The following KLC1 variants were observed in gnomAD, a reference collection of about 807,000 sequenced individuals.
KLC1 encodes kinesin 2 60/70kDa.
In KLC1, 30 loss-of-function variants were observed where a neutral mutation model predicts 84.2. The observed-to-expected ratio is 0.36, with a 90% confidence interval of 0.27 to 0.48. KLC1 has a LOEUF of 0.48. Ranked by LOEUF, KLC1 falls within the 20% of genes least tolerant of loss-of-function variation. KLC1 has a pLI of 0.99. For synonymous variants in KLC1, 289 were observed against 293.3 expected, an observed-to-expected ratio of 0.99 and a Z score of 0.15; for missense variants, 499 against 805.4, an observed-to-expected ratio of 0.62 and a Z score of 4.60.
At chr14:103,658,429 T>A (rs1192801956) in intron 3 of KLC1, among the ~76,000 whole-genome samples, 1 of 51,966 alleles carries the variant, frequency 1.9e-5, no homozygotes, top group Non-Finnish European at 4.2e-5. Flanking sequence ...CCCAGCTAAG[T>A]TTTTTTTTTT....
At chr14:103,689,855 G>A (rs895337678) in intron 14 of KLC1, among the ~76,000 whole-genome samples, 10 of 152,186 alleles carry the variant, frequency 6.6e-5, no homozygotes, top group Admixed American at 2.0e-4. Flanking sequence ...GTAAAAGGGG[G>A]TTTGAGGGAA....
At chr14:103,686,980 G>A in intron 13 of KLC1, 101 bp from the exon 14 acceptor site, 1 of 792,622 alleles carries the variant, frequency 1.3e-6, no homozygotes, top group Non-Finnish European at 2.0e-6. Context: ...CTGCTGGCAA[G>A]CAGGGCGGCC....
At chr14:103,681,281 G>A (rs941236754) in intron 13 of KLC1, among the ~76,000 whole-genome samples, 21 of 152,164 alleles carry the variant, frequency 1.4e-4, no homozygotes, top group African/African-American at 4.6e-4. Context: ...CTCACTTTGT[G>A]CATGGAGGCA....
intron 1 of KLC1, among the ~76,000 whole-genome samples, chr14:103,649,179 C>T (rs1354373971): frequency 6.6e-6 from 1 of 151,912 alleles, no homozygotes; most frequent in Non-Finnish European, 1.5e-5. Context: ...TGCCTATACT[C>T]CTAGCTCCTT....
At chr14:103,632,124 G>A (rs1029069148) in intron 1 of KLC1, among the ~76,000 whole-genome samples, 4 of 152,280 alleles carry the variant, frequency 2.6e-5, no homozygotes, top group African/African-American at 9.6e-5. Flanking sequence ...GCCGGGCGTG[G>A]TCATGCCTGT....
chr14:103,695,513 G>A lies in KLC1; in HGVS notation c.1848+3088G>A, dbSNP rs538311567. On this transcript the variant is annotated intron_variant, in intron 15 of 16. Transcript: ENST00000334553. ...CACAGGCGACAGGGAGGAGGGCTCC[G>A]GAGCTTCCCTTGTGGTGGGGGTGCC... 6.1e-5 allele frequency: 60 copies of A among 985,320 alleles called. No individual in the cohort carries two copies. The African/African-American group carries it at 8.7e-4, about 14-fold the overall frequency. 61.0% of individuals were successfully genotyped at this position (985,320 alleles called of 1,614,324 possible). A position where few individuals can be genotyped will look rare whatever the true frequency, so the allele number is the denominator to read the frequency against.
At chr14:103,695,005 C>T in intron 15 of KLC1, 4 of 985,434 alleles carry the variant, frequency 4.1e-6, no homozygotes, top group Non-Finnish European at 4.8e-6. Context: ...GAGCTGCTCG[C>T]CTGTGGCCGT....
chr14:103,670,341 T>A, intron 7 of KLC1, 58 bp downstream of exon 7: 1 of 895,708 alleles, frequency 1.1e-6, no homozygotes, highest in East Asian at 3.4e-5. Context: ...TGTGTGTGGT[T>A]TTTTTTTTTT....
rs1384087562 is a variant in KLC1, at chr14:103,701,411, C to T, written c.*212C>T. 7 of 501,486 alleles carry T rather than the reference C, an allele frequency of 1.4e-5. No homozygotes were observed. Among genetic ancestry groups the T allele is most frequent in the Middle Eastern group, 5.1e-4 (1 of 1,968 alleles). The allele number at this position is 501,486 out of a possible 1,614,324, so 31.1% of individuals were successfully genotyped here. ...CTGGGCCTAAGCTGGTGCCCTGGTGCGGCGTGGTCTCTCCCAGGAGACCTG... is the reference window on the plus strand; with the variant it reads ...CTGGGCCTAAGCTGGTGCCCTGGTGTGGCGTGGTCTCTCCCAGGAGACCTG... On this transcript the variant is annotated 3_prime_UTR_variant, in exon 17 of 17. Coordinates refer to ENST00000334553, the MANE Select transcript of KLC1 (RefSeq NM_001394837.1).
Position 103,679,460 on chromosome 14 carries a change from G to A in KLC1, c.1565G>A (p.Arg522His), listed in dbSNP as rs746319635. Residue 522 changes from arginine to histidine, a missense_variant, in exon 13 of 17, where the codon CGT (arginine) becomes CAT (histidine). This residue lies in a region of KLC1 where 167 missense variants were observed against 208.8 expected (regional missense o/e 0.80). Coordinates refer to ENST00000334553, the MANE Select transcript of KLC1 (RefSeq NM_001394837.1). ...GAGAACATGGAGAAGCGCAGGAGCC[G>A]TGAGAGCCTCAACGTGGACGTGGTC... Reference protein sequence around the residue: ...DPENMEKRRSRESLNVDVVKY... With the variant: ...DPENMEKRRSHESLNVDVVKY... The A allele has an allele frequency of 1.5e-5, 24 of 1,614,168 alleles. No individual in the cohort carries two copies. Among genetic ancestry groups the A allele is most frequent in the Admixed American group, 1.3e-4 (8 of 60,014 alleles).
chr14:103,681,164 CCT>C (rs947643914), intron 13 of KLC1, among the ~76,000 whole-genome samples: 10 of 152,154 alleles, frequency 6.6e-5, no homozygotes, highest in African/African-American at 1.9e-4. Context: ...TGGTGTGTCC[CCT>C]GATAGCTCTG....
chr14:103,693,527 A>T lies in KLC1; in HGVS notation c.1848+1102A>T. 1 of 1,535,406 alleles carries T rather than the reference A, an allele frequency of 6.5e-7. No homozygotes were observed. Among genetic ancestry groups the T allele is most frequent in the Non-Finnish European group, 8.7e-7 (1 of 1,146,668 alleles). Reference sequence around the variant, plus strand: ...TCATTTGAAGTCCTGGTTAAGTGTAATTTTTCTATTTGTTTTTTCATGCAG... The same window carrying T: ...TCATTTGAAGTCCTGGTTAAGTGTATTTTTTCTATTTGTTTTTTCATGCAG... On this transcript the variant is annotated intron_variant, in intron 15 of 16. Coordinates refer to ENST00000334553, the MANE Select transcript of KLC1 (RefSeq NM_001394837.1). The surrounding 1 kb of genome is among the most constrained non-coding windows in gnomAD (Gnocchi z 5.1).
At chr14:103,662,297 G>T (rs1477886028) in intron 4 of KLC1, 103 bp downstream of exon 4, 1 of 940,072 alleles carries the variant, frequency 1.1e-6, no homozygotes, top group Non-Finnish European at 1.7e-6. Flanking sequence ...CATGCGGCCT[G>T]CCTGGAGGAA....
chr14:103,681,474 C>G (rs1278038235), intron 13 of KLC1, among the ~76,000 whole-genome samples: 2 of 152,074 alleles, frequency 1.3e-5, no homozygotes, highest in African/African-American at 4.8e-5. Flanking sequence ...CTTTTTCCCC[C>G]CCGAGACAAG....
chr14:103,636,475 C>T (rs1416170059), intron 1 of KLC1, among the ~76,000 whole-genome samples: 2 of 152,166 alleles, frequency 1.3e-5, no homozygotes, highest in Non-Finnish European at 2.9e-5. Context: ...CCCCATCGGC[C>T]TCCCAAAGTG....
intron 5 of KLC1, among the ~76,000 whole-genome samples, chr14:103,663,387 C>T (rs1166150969): frequency 6.6e-6 from 1 of 152,140 alleles, no homozygotes; most frequent in Non-Finnish European, 1.5e-5. Context: ...GCCTATTTAG[C>T]AAGCTTTGTG....
chr14:103,667,098 CT>C (rs886445258), intron 5 of KLC1, among the ~76,000 whole-genome samples: 1 of 150,240 alleles, frequency 6.7e-6, no homozygotes, highest in African/African-American at 2.5e-5. Context: ...TCTCATAACA[CT>C]TTAGGTAGCT....
chr14:103,661,317 G>A (rs1470104716), intron 3 of KLC1, among the ~76,000 whole-genome samples: 1 of 152,180 alleles, frequency 6.6e-6, no homozygotes, highest in Non-Finnish European at 1.5e-5. Flanking sequence ...CGTCACATCT[G>A]TTGAGTAGCC....
intron 11 of KLC1, among the ~76,000 whole-genome samples, chr14:103,676,152 G>A (rs2080857295): frequency 6.6e-6 from 1 of 152,196 alleles, no homozygotes; most frequent in African/African-American, 2.4e-5. Context: ...GGGAAGTGTA[G>A]GCCCCTCCGT....
Sources: gnomAD v4.1 joint callset for allele counts (sites outside exome capture counted in the v4.1 genomes callset) on GRCh38, gnomAD v4.1.1 for gene constraint, gnomAD v4.1.1 regional missense constraint, Gnocchi (gnomAD v3.1) non-coding constraint, MANE v1.5 for transcripts, NCBI Gene and HGNC (gene_info 2026-07-23, HGNC 2026-07-21) for gene names.